PTPRD: variants seen among roughly 807,000 people sequenced by gnomAD.
PTPRD encodes the protein protein tyrosine phosphatase receptor type D.
A neutral mutation model predicts 214.5 loss-of-function variants in PTPRD; 34 were observed. The observed-to-expected ratio is 0.16, with a 90% CI of 0.12 to 0.21. The LOEUF (loss-of-function observed/expected upper bound fraction) is 0.21, where lower values mean the gene tolerates loss of function less well. PTPRD is among the 10% of genes least tolerant of loss of function. PTPRD has a pLI of 1.00. For missense variants in PTPRD, 2,545 were observed against 2,398.7 expected (o/e 1.06, Z -1.27); for synonymous variants, 1,128 against 845.7 (o/e 1.33, Z -5.79).
intron 7 of PTPRD, among the ~76,000 whole-genome samples, chr9:9,593,302 T>G (rs2092950696): frequency 6.6e-6 from 1 of 151,838 alleles, no homozygotes; most frequent in Non-Finnish European, 1.5e-5. Context: ...ACTTAACTTT[T>G]TTTTTTTTTG....
At chr9:9,491,283 C>T (rs1427963639) in intron 8 of PTPRD, among the ~76,000 whole-genome samples, 1 of 151,608 alleles carries the variant, frequency 6.6e-6, no homozygotes, top group Non-Finnish European at 1.5e-5. Flanking sequence ...TAATAACAGA[C>T]CATAGAGACA....
At chr9:9,275,078 ATATAATATATAT>A (rs1944572745) in intron 9 of PTPRD, among the ~76,000 whole-genome samples, 1 of 74,000 alleles carries the variant, frequency 1.4e-5, no homozygotes, top group African/African-American at 5.0e-5. Flanking sequence ...ATATATATAT[ATATAATATATAT>A]GTTATATATA....
chr9:8,896,832 G>C (rs1165113728), intron 11 of PTPRD, among the ~76,000 whole-genome samples: 1 of 152,030 alleles, frequency 6.6e-6, no homozygotes, highest in African/African-American at 2.4e-5. Context: ...TACAGATTCA[G>C]GTTATTTTTC....
intron 2 of PTPRD, among the ~76,000 whole-genome samples, chr9:10,401,717 A>T (rs1195192332): frequency 6.7e-6 from 1 of 150,302 alleles, no homozygotes; most frequent in Admixed American, 6.7e-5. Flanking sequence ...TATAAAAAAT[A>T]ATTATCATCT....
At chr9:9,471,009 T>C (rs1397165550) in intron 8 of PTPRD, among the ~76,000 whole-genome samples, 4 of 152,192 alleles carry the variant, frequency 2.6e-5, no homozygotes, top group Non-Finnish European at 5.9e-5. Flanking sequence ...CAGCCATCTA[T>C]CAATTTCCAT....
intron 2 of PTPRD, among the ~76,000 whole-genome samples, chr9:10,445,027 A>C (rs1350218825): frequency 6.6e-6 from 1 of 151,962 alleles, no homozygotes; most frequent in Non-Finnish European, 1.5e-5. Context: ...TGAAGAGTTC[A>C]GTTGAGAATA....
rs374751990 is a variant in PTPRD, at chr9:9,682,535, G to T, written c.-287+51998C>A. Among the ~76,000 whole-genome samples, 15 of 151,784 alleles carry T rather than the reference G, an allele frequency of 9.9e-5. No individual in the cohort carries two copies. The East Asian group carries it at 1.8e-3, about 18-fold the overall frequency. On this transcript the variant is annotated intron_variant, in intron 7 of 45. Coordinates refer to ENST00000381196, the MANE Select transcript of PTPRD (RefSeq NM_002839.4). ...AATGCAAGTGATAGGGTAGATCAATGCAAGTGTGGGTCCTTATGGAGGAAT... is the reference window on the plus strand; with the variant it reads ...AATGCAAGTGATAGGGTAGATCAATTCAAGTGTGGGTCCTTATGGAGGAAT...
At chr9:9,013,904 G>C (rs1477846349) in intron 11 of PTPRD, among the ~76,000 whole-genome samples, 1 of 152,116 alleles carries the variant, frequency 6.6e-6, no homozygotes, top group Admixed American at 6.6e-5. Flanking sequence ...GAGGTTCCCA[G>C]ATAAAATGGA....
chr9:9,855,963 T>C (rs991750555), intron 5 of PTPRD, among the ~76,000 whole-genome samples: 2 of 152,182 alleles, frequency 1.3e-5, no homozygotes, highest in African/African-American at 2.4e-5. Context: ...GTATCCTCAC[T>C]TGTGGCTCCA....
chr9:10,008,975 T>C (rs1232721756), intron 4 of PTPRD, among the ~76,000 whole-genome samples: 1 of 148,242 alleles, frequency 6.7e-6, no homozygotes, highest in African/African-American at 2.6e-5. Flanking sequence ...TTGGATTTTA[T>C]TTTTTCCCTT....
At chr9:10,564,544 G>C (rs937013605) in intron 2 of PTPRD, among the ~76,000 whole-genome samples, 1 of 152,010 alleles carries the variant, frequency 6.6e-6, no homozygotes, top group African/African-American at 2.4e-5. Flanking sequence ...TCCAAGGGCA[G>C]ATAGCCTAAG....
At chr9:8,843,174 A>C (rs1382899245) in intron 11 of PTPRD, among the ~76,000 whole-genome samples, 1 of 152,238 alleles carries the variant, frequency 6.6e-6, no homozygotes, top group African/African-American at 2.4e-5. Context: ...CTGAGAGGAA[A>C]GGTGGAACTG....
At chr9:10,306,735 A>G (rs2096083269) in intron 3 of PTPRD, among the ~76,000 whole-genome samples, 1 of 152,140 alleles carries the variant, frequency 6.6e-6, no homozygotes, top group South Asian at 2.1e-4. Context: ...ACTTGCTTCA[A>G]GTATCAACAG....
At chr9:9,447,102 T>C (rs890647440) in intron 8 of PTPRD, among the ~76,000 whole-genome samples, 2 of 152,130 alleles carry the variant, frequency 1.3e-5, no homozygotes, top group African/African-American at 4.8e-5. Context: ...TGGAGAATAG[T>C]GTGGAGATTC....
chr9:9,119,713 G>A (rs757764524), intron 10 of PTPRD, among the ~76,000 whole-genome samples: 18 of 151,930 alleles, frequency 1.2e-4, no homozygotes, highest in East Asian at 7.8e-4. Flanking sequence ...TAGTAGAGAC[G>A]GGGTTTCACC....
intron 10 of PTPRD, among the ~76,000 whole-genome samples, chr9:9,096,147 T>C (rs2099783173): frequency 6.6e-6 from 1 of 152,186 alleles, no homozygotes; most frequent in Admixed American, 6.5e-5. Context: ...AGTCTAGAGA[T>C]TTCATGTGCA....
At chr9:8,846,112 C>G (rs1027240951) in intron 11 of PTPRD, among the ~76,000 whole-genome samples, 1 of 152,178 alleles carries the variant, frequency 6.6e-6, no homozygotes, top group Non-Finnish European at 1.5e-5. Flanking sequence ...TACACACACT[C>G]TACTGAGATT....
At chr9:8,340,945 C>CA (rs1284234911) in intron 41 of PTPRD, 145 bp downstream of exon 41, 8 of 817,672 alleles carry the variant, frequency 9.8e-6, no homozygotes, top group South Asian at 2.8e-5. Context: ...TCCAAAATAA[C>CA]AAAAAAACAA....
At chr9:9,182,572 A>G (rs907020710) in intron 10 of PTPRD, among the ~76,000 whole-genome samples, 32 of 152,064 alleles carry the variant, frequency 2.1e-4, no homozygotes, top group African/African-American at 7.7e-4. Context: ...TTTATTTCAA[A>G]GAATTATCTT....
Sources: gnomAD v4.1 joint callset for allele counts (sites outside exome capture counted in the v4.1 genomes callset) on GRCh38, gnomAD v4.1.1 for gene constraint, MANE v1.5 for transcripts, NCBI Gene and HGNC (gene_info 2026-07-23, HGNC 2026-07-21) for gene names.